The following SPATA7 variants were observed in gnomAD, a reference collection of about 807,000 sequenced individuals.
The protein encoded by SPATA7 is spermatogenesis associated 7.
Under a neutral mutation model 51.8 loss-of-function variants are expected in SPATA7, and 43 were observed. The ratio of observed to expected loss-of-function variants is 0.83; its 90% CI spans 0.65 to 1.07. SPATA7 has a LOEUF of 1.07. SPATA7 is among the 50% of genes least tolerant of loss of function. SPATA7 has a pLI of 0.00. For synonymous variants in SPATA7, 230 were observed against 252.8 expected, an observed-to-expected ratio of 0.91 and a Z score of 0.86; for missense variants, 683 against 701.3, an observed-to-expected ratio of 0.97 and a Z score of 0.30.
intron 4 of SPATA7, among the ~76,000 whole-genome samples, chr14:88,415,004 TG>T (rs1253624602): frequency 6.6e-6 from 1 of 152,238 alleles, no homozygotes; most frequent in Non-Finnish European, 1.5e-5. Context: ...ATGTTCCACA[TG>T]CAGATGAGAA....
At chr14:88,454,135 G>A (rs2077269259) in intron 3 of SPATA7, among the ~76,000 whole-genome samples, 1 of 152,156 alleles carries the variant, frequency 6.6e-6, no homozygotes, top group African/African-American at 2.4e-5. Flanking sequence ...ATATCTTACA[G>A]TTCTGGAACT....
At chr14:88,400,564 T>G (rs901004591) in intron 4 of SPATA7, among the ~76,000 whole-genome samples, 6 of 152,212 alleles carry the variant, frequency 3.9e-5, no homozygotes, top group African/African-American at 1.4e-4. Context: ...CCACATGTGG[T>G]GGCTCATGCC....
At chr14:88,408,364 T>C (rs1025278380) in intron 4 of SPATA7, among the ~76,000 whole-genome samples, 1 of 152,176 alleles carries the variant, frequency 6.6e-6, no homozygotes, top group African/African-American at 2.4e-5. Flanking sequence ...TTTATTCTCT[T>C]TGTAGCAATT....
intron 4 of SPATA7, among the ~76,000 whole-genome samples, chr14:88,399,862 A>G (rs1428198759): frequency 6.6e-6 from 1 of 152,222 alleles, no homozygotes; most frequent in East Asian, 1.9e-4. Flanking sequence ...TGAGGGAGAA[A>G]TTGACTTTAA....
chr14:88,442,304 C>CTAT (rs2077183513), downstream of SPATA7, among the ~76,000 whole-genome samples: 1 of 152,108 alleles, frequency 6.6e-6, no homozygotes, highest in African/African-American at 2.4e-5. Context: ...ATTCTCCGAC[C>CTAT]TCAGCCTCCC....
rs1020939640 is a variant in SPATA7, at chr14:88,429,231, G to A, written c.913-117G>A. 2.7e-5 allele frequency: 18 copies of A among 657,612 alleles called. No homozygotes were observed. The African/African-American group carries it at 3.1e-4, about 11-fold the overall frequency. The allele number at this position is 657,612 out of a possible 1,614,324, so 40.7% of individuals were successfully genotyped here. On this transcript the variant is annotated intron_variant, in intron 7 of 11. Transcript: ENST00000393545. ...ATTCTAAAATATTCTTTGTCGTACT[G>A]TATAATTTTTATCTACTGGATATCT...
At chr14:88,439,401 A>G (rs2077162145), downstream of SPATA7, among the ~76,000 whole-genome samples, 1 of 152,192 alleles carries the variant, frequency 6.6e-6, no homozygotes, top group Non-Finnish European at 1.5e-5. Flanking sequence ...AACATGGCCC[A>G]GCAGATTCAT....
chr14:88,445,323 G>A (rs2077204081), intron 3 of SPATA7, among the ~76,000 whole-genome samples: 1 of 150,998 alleles, frequency 6.6e-6, no homozygotes, highest in African/African-American at 2.4e-5. Flanking sequence ...TGTGATTTTT[G>A]TACATTGATT....
chr14:88,469,215 C>T lies in SPATA7; in HGVS notation c.255-632C>T. ...GGTGCCAGTGAACCAAACCCAACCA[C>T]AAAGGGACAGTGTGACCCTGAGCAA... On this transcript the variant is annotated intron_variant, in intron 4 of 4. Transcript: ENST00000556406. The surrounding 1 kb of genome is among the most constrained non-coding windows in gnomAD (Gnocchi z 4.3). The T allele has an allele frequency of 1.1e-6, 1 of 930,314 alleles. No individual in the cohort carries two copies. The highest frequency in any genetic ancestry group is 1.7e-5 in the South Asian group (1 of 57,214). The allele number at this position is 930,314 out of a possible 1,614,324, so 57.6% of individuals were successfully genotyped here.
intron 4 of SPATA7, among the ~76,000 whole-genome samples, chr14:88,396,621 T>C (rs1001635061): frequency 1.3e-5 from 2 of 152,238 alleles, no homozygotes; most frequent in Non-Finnish European, 2.9e-5. Flanking sequence ...TTTTAAAGGC[T>C]GAATAAAATT....
chr14:88,462,664 G>A (rs551798684), intron 4 of SPATA7, among the ~76,000 whole-genome samples: 103 of 152,300 alleles, frequency 6.8e-4, no homozygotes, highest in African/African-American at 2.3e-3. Context: ...TATATCCAGT[G>A]CAGCTACACC....
At chr14:88,386,351 T>TC (rs774960717) in intron 1 of SPATA7, among the ~76,000 whole-genome samples, 1 of 152,026 alleles carries the variant, frequency 6.6e-6, no homozygotes, top group Non-Finnish European at 1.5e-5. Flanking sequence ...ACGAACTACC[T>TC]CCCCCAAAGC....
intron 5 of SPATA7, among the ~76,000 whole-genome samples, chr14:88,419,346 A>G (rs1022835103): frequency 1.3e-5 from 2 of 151,118 alleles, no homozygotes; most frequent in African/African-American, 2.4e-5. Context: ...TGCTTTTTCT[A>G]TTAATATTTT....
At chr14:88,394,960 G>C (rs1240251700) in intron 3 of SPATA7, among the ~76,000 whole-genome samples, 1 of 151,962 alleles carries the variant, frequency 6.6e-6, no homozygotes, top group African/African-American at 2.4e-5. Context: ...ATTAAAAATG[G>C]GTTGTTTGTC....
rs556679915 is a variant in SPATA7 at position 88,431,435 on chromosome 14, G to A, written c.1082+210G>A. On this transcript the variant is annotated intron_variant, in intron 9 of 11. Transcript: ENST00000393545. ...GTTTAATTAGCATATCCATCATCTC[G>A]AACATTTTATCATTTCTTTGTGTTG... 2.6e-5 allele frequency among the ~76,000 whole-genome samples: 4 copies of A among 152,126 alleles called. No individual in the cohort carries two copies. The East Asian group carries it at 5.8e-4, about 22-fold the overall frequency.
intron 10 of SPATA7, among the ~76,000 whole-genome samples, chr14:88,437,049 A>G (rs1160719022): frequency 1.4e-5 from 2 of 147,366 alleles, no homozygotes; most frequent in African/African-American, 5.0e-5. Flanking sequence ...GATTCTTCCA[A>G]TCCATGAATT....
intron 10 of SPATA7, among the ~76,000 whole-genome samples, chr14:88,434,029 A>G (rs2077008950): frequency 6.6e-6 from 1 of 152,192 alleles, no homozygotes; most frequent in African/African-American, 2.4e-5. Flanking sequence ...TACATAATGA[A>G]AAGTTTTGGC....
intron 10 of SPATA7, among the ~76,000 whole-genome samples, chr14:88,434,825 C>G (rs1387820999): frequency 6.6e-6 from 1 of 151,416 alleles, no homozygotes; most frequent in East Asian, 1.9e-4. Flanking sequence ...AAAATGTTAA[C>G]AATAGTTGTA....
rs754860981 is a variant in SPATA7, at chr14:88,469,121, G to A, written c.255-726G>A. 46 of 1,555,886 alleles carry A rather than the reference G, an allele frequency of 3.0e-5. No individual in the cohort carries two copies. The highest frequency in any genetic ancestry group is 1.7e-4 in the Middle Eastern group (1 of 5,852). On this transcript the variant is annotated intron_variant, in intron 4 of 4. Transcript: ENST00000556406. This position sits in a 1 kb window ranked among gnomAD's most constrained non-coding sequence, Gnocchi z 4.3. ...TAGAAAAGTACTCAAGGATCAAGGC[G>A]TATCACATTGTTGACTCAATCTTCA...
Sources: gnomAD v4.1 joint callset for allele counts (sites outside exome capture counted in the v4.1 genomes callset) on GRCh38, gnomAD v4.1.1 for gene constraint, Gnocchi (gnomAD v3.1) non-coding constraint, MANE v1.5 for transcripts, NCBI Gene and HGNC (gene_info 2026-07-23, HGNC 2026-07-21) for gene names.